The following DBT variants were observed in gnomAD, a reference collection of about 807,000 sequenced individuals.
DBT encodes lipoamide acyltransferase component of branched-chain alpha-keto acid dehydrogenase complex, mitochondrial.
Under a neutral mutation model 51.3 loss-of-function variants are expected in DBT, and 40 were observed. The ratio of observed to expected loss-of-function variants is 0.78; its 90% CI spans 0.61 to 1.02. DBT has a LOEUF of 1.02. Ranked by LOEUF, DBT falls within the 50% of genes least tolerant of loss-of-function variation. DBT has a pLI of 0.00. For missense variants in DBT, 510 were observed against 580.2 expected (o/e 0.88, Z 1.24); for synonymous variants, 181 against 190.4 (o/e 0.95, Z 0.41).
intron 10 of DBT, among the ~76,000 whole-genome samples, chr1:100,201,844 C>T (rs1446280570): frequency 6.6e-6 from 1 of 152,140 alleles, no homozygotes; most frequent in East Asian, 1.9e-4. Context: ...CCTTTAGAGA[C>T]AAGCAAATGC....
In DBT at chr1:100,240,894, A is replaced by C; in HGVS notation, c.52-10T>G. 1.9e-6 allele frequency: 3 copies of C among 1,612,900 alleles called. No homozygotes were observed. The highest frequency in any genetic ancestry group is 2.5e-6 in the Non-Finnish European group (3 of 1,179,244). On this transcript the variant is annotated splice_polypyrimidine_tract_variant and intron_variant, in intron 1 of 10. Transcript: ENST00000370132. The stretch of plus-strand genomic sequence containing the variant: ...AATAGCGAACACAAATCTACAGATG[A>C]GAAAACAAAAAGTAAAAGCATTTAT...
chr1:100,195,276 C>T lies in DBT; in HGVS notation c.*979G>A, dbSNP rs1423466456. 6.6e-6 allele frequency: 1 copy of T among 152,602 alleles called. No individual in the cohort carries two copies. The highest frequency in any genetic ancestry group is 1.5e-5 in the Non-Finnish European group (1 of 68,022). The allele number at this position is 152,602 out of a possible 1,614,324, so 9.5% of individuals were successfully genotyped here. ...GGAAGTTTGCAAAGGTGAAGGTCTT[C>T]CCCAAGAAAATACCAAAGCATTACC... On this transcript the variant is annotated 3_prime_UTR_variant, in exon 11 of 11. Coordinates refer to ENST00000370132, the MANE Select transcript of DBT (RefSeq NM_001918.5).
intron 4 of DBT, among the ~76,000 whole-genome samples, chr1:100,226,344 CA>C (rs1663208982): frequency 7.4e-6 from 1 of 134,830 alleles, no homozygotes; most frequent in African/African-American, 2.8e-5. Context: ...AGTGCAGTGG[CA>C]TTAACACAGC....
At chr1:100,210,175 G>C (rs1012505031) in intron 8 of DBT, among the ~76,000 whole-genome samples, 5 of 151,696 alleles carry the variant, frequency 3.3e-5, no homozygotes, top group African/African-American at 1.2e-4. Context: ...GTTGGGCATA[G>C]TGGCGCATGC....
intron 7 of DBT, chr1:100,213,239 C>G: frequency 8.7e-7 from 1 of 1,150,622 alleles, no homozygotes. Flanking sequence ...GCCCGAGCCA[C>G]CCGGGGCGTG....
chr1:100,208,779 G>A (rs1167912358), intron 8 of DBT, among the ~76,000 whole-genome samples: 8 of 150,584 alleles, frequency 5.3e-5, no homozygotes, highest in Admixed American at 4.0e-4. Flanking sequence ...ATGGTGGCAC[G>A]TGCCTATAGT....
intron 4 of DBT, among the ~76,000 whole-genome samples, chr1:100,226,564 C>T (rs568263693): frequency 2.6e-5 from 4 of 152,050 alleles, no homozygotes; most frequent in Non-Finnish European, 5.9e-5. Flanking sequence ...GGATTACTGG[C>T]GTGAGCCACT....
chr1:100,213,962 A>AC, intron 7 of DBT, among the ~76,000 whole-genome samples: 1 of 134,986 alleles, frequency 7.4e-6, no homozygotes. Flanking sequence ...AAAAAAAAAA[A>AC]AAAAAGAGAG....
intron 10 of DBT, among the ~76,000 whole-genome samples, chr1:100,202,636 G>A (rs1261074648): frequency 6.6e-6 from 1 of 152,134 alleles, no homozygotes; most frequent in East Asian, 1.9e-4. Flanking sequence ...ATTCTTCTCA[G>A]CACCACATAG....
At chr1:100,201,734 G>C (rs1372859300) in intron 10 of DBT, among the ~76,000 whole-genome samples, 2 of 152,220 alleles carry the variant, frequency 1.3e-5, no homozygotes, top group East Asian at 3.8e-4. Flanking sequence ...AGCCAGAAGA[G>C]TGTGGGGGCC....
At chr1:100,232,447 TA>T (rs1053868465) in intron 3 of DBT, among the ~76,000 whole-genome samples, 3 of 152,280 alleles carry the variant, frequency 2.0e-5, no homozygotes, top group Non-Finnish European at 4.4e-5. Flanking sequence ...GCCACATCTG[TA>T]TTTTGTTTTA....
intron 4 of DBT, among the ~76,000 whole-genome samples, chr1:100,224,658 C>T (rs1663064456): frequency 6.6e-6 from 1 of 152,076 alleles, no homozygotes; most frequent in African/African-American, 2.4e-5. Flanking sequence ...TATCCAATGC[C>T]ATTAATTTTG....
At chr1:100,236,653 A>T (rs1301593549) in intron 2 of DBT, among the ~76,000 whole-genome samples, 2 of 152,130 alleles carry the variant, frequency 1.3e-5, no homozygotes, top group South Asian at 2.1e-4. Context: ...AAAAGCATTT[A>T]AAAAAATTTT....
intron 10 of DBT, among the ~76,000 whole-genome samples, chr1:100,197,561 T>C (rs1008320740): frequency 8.5e-5 from 13 of 152,162 alleles, no homozygotes; most frequent in Admixed American, 2.6e-4. Context: ...ATAAATGGTA[T>C]TGAAAGATCA....
intron 4 of DBT, among the ~76,000 whole-genome samples, chr1:100,224,419 A>G (rs925422944): frequency 1.3e-5 from 2 of 152,214 alleles, no homozygotes; most frequent in African/African-American, 2.4e-5. Context: ...TAATTTCTAT[A>G]GGCCTGCTTA....
chr1:100,236,659 AT>A (rs1480609496), intron 2 of DBT, among the ~76,000 whole-genome samples: 3 of 152,370 alleles, frequency 2.0e-5, no homozygotes, highest in Admixed American at 6.5e-5. Flanking sequence ...ATTTAAAAAA[AT>A]TTTTTTTAAA....
intron 2 of DBT, among the ~76,000 whole-genome samples, chr1:100,239,156 T>C (rs1240169272): frequency 6.6e-6 from 1 of 152,202 alleles, no homozygotes; most frequent in Non-Finnish European, 1.5e-5. Flanking sequence ...TAAATATTAA[T>C]TGTTGAATGA....
intron 4 of DBT, among the ~76,000 whole-genome samples, chr1:100,225,052 T>TAC (rs71084808): frequency 0.015 from 1,195 of 78,972 alleles, 43 homozygotes; most frequent in Non-Finnish European, 0.018. Flanking sequence ...AATATATATA[T>TAC]ACACACACAC....
At chr1:100,228,381 T>A (rs1445326471) in intron 4 of DBT, among the ~76,000 whole-genome samples, 1 of 152,040 alleles carries the variant, frequency 6.6e-6, no homozygotes, top group Non-Finnish European at 1.5e-5. Context: ...CTATATTGGA[T>A]CCTAGTTAAA....
Sources: allele counts gnomAD v4.1 joint callset (sites outside exome capture counted in the v4.1 genomes callset), GRCh38; gene constraint gnomAD v4.1.1; transcripts MANE v1.5; gene names NCBI Gene and HGNC (gene_info 2026-07-23, HGNC 2026-07-21).